CHAF1A: variants seen among roughly 807,000 people sequenced by gnomAD.
CHAF1A encodes the protein CAF-1 subunit A.
In CHAF1A, 5 loss-of-function variants were observed where a neutral mutation model predicts 93.2. The observed-to-expected ratio is 0.05, with a 90% CI of 0.03 to 0.11. The LOEUF (loss-of-function observed/expected upper bound fraction) is 0.11, where lower values mean the gene tolerates loss of function less well. Among genes scored for constraint, CHAF1A ranks in the 10% least tolerant of loss-of-function variants. The pLI, the probability that CHAF1A is intolerant of heterozygous loss-of-function variation, is 1.00. For synonymous variants in CHAF1A, 504 were observed against 510.3 expected (o/e 0.99, Z 0.17); for missense variants, 1,102 against 1,259.9 (o/e 0.87, Z 1.90).
chr19:4,430,549 G>A lies in CHAF1A; in HGVS notation c.1855G>A (p.Asp619Asn). 1.3e-6 allele frequency: 2 copies of A among 1,557,932 alleles called. No homozygotes were observed. The highest frequency in any genetic ancestry group is 4.5e-5 in the East Asian group (2 of 44,566). ...PGESLSHSEG[D>N]DDDDMGEDED... Reference sequence around the variant, plus strand: ...ACTCTTTTTTTTTTCTCCTTTTGAGGATGATGATGACGACATGGGAGAGGA... The same window carrying A: ...ACTCTTTTTTTTTTCTCCTTTTGAGAATGATGATGACGACATGGGAGAGGA... Residue 619 changes from aspartate (D) to asparagine (N), a missense_variant and splice_region_variant, in exon 11 of 15, where the codon GAT becomes AAT. This residue lies in a region of CHAF1A where 335 missense variants were observed against 361.9 expected (regional missense o/e 0.93). Coordinates refer to ENST00000301280, the MANE Select transcript of CHAF1A (RefSeq NM_005483.3).
At chr19:4,446,755 T>C (rs200267132), downstream of CHAF1A, 30 of 1,611,302 alleles carry the variant, frequency 1.9e-5, no homozygotes, top group Admixed American at 2.5e-4. Context: ...CACTGTGCAA[T>C]GGAGAGACCC....
intron 3 of CHAF1A, among the ~76,000 whole-genome samples, chr19:4,411,391 A>G (rs1014502812): frequency 8.6e-5 from 13 of 152,020 alleles, no homozygotes; most frequent in African/African-American, 3.1e-4. Flanking sequence ...CACCATGCCC[A>G]GCTAATTTTT....
intron 5 of CHAF1A, among the ~76,000 whole-genome samples, 196 bp from the exon 6 acceptor site, chr19:4,423,139 T>A (rs1214979247): frequency 9.2e-5 from 14 of 152,188 alleles, no homozygotes; most frequent in Non-Finnish European, 2.1e-4. Flanking sequence ...TATATTCTAG[T>A]CACAGGAAGA....
chr19:4,403,161 C>T (rs901883724), intron 1 of CHAF1A, among the ~76,000 whole-genome samples: 1 of 152,156 alleles, frequency 6.6e-6, no homozygotes, highest in Non-Finnish European at 1.5e-5. Flanking sequence ...GCGTTTGTGT[C>T]CCTTGACCAT....
At position 4,442,932 on chromosome 19, in the gene CHAF1A, A is replaced by G. The variant is rs1237362478; in HGVS notation, c.2778A>G (p.Gln926=). The change falls in exon 15 of 15, where the codon CAA becomes CAG. Residue 926 remains glutamine (Q), a synonymous_variant. Transcript: ENST00000301280. The stretch of plus-strand genomic sequence containing the variant: ...CCCTCTCTTGCCCTGCAGAGGTCCA[A>G]GCCCCGTGTGGAGCCGCTTCCGGAG... ...IVDVPDAAEV[Q]APCGAASGAG... is the part of the protein sequence containing the mutation. 2 of 1,593,506 alleles carry G rather than the reference A, an allele frequency of 1.3e-6. No homozygotes were observed. The highest frequency in any genetic ancestry group is 1.3e-5 in the African/African-American group (1 of 74,734).
At chr19:4,426,986 T>C (rs1045569344) in intron 7 of CHAF1A, among the ~76,000 whole-genome samples, 1 of 150,278 alleles carries the variant, frequency 6.7e-6, no homozygotes, top group Non-Finnish European at 1.5e-5. Context: ...CAGCTGCTCA[T>C]GAGGCTGAGG....
intron 13 of CHAF1A, among the ~76,000 whole-genome samples, chr19:4,439,282 G>GAAAA (rs566076895): frequency 7.7e-6 from 1 of 129,216 alleles, no homozygotes; most frequent in East Asian, 2.2e-4. Flanking sequence ...CTGCGTCTCA[G>GAAAA]AAAAAAAAAA....
At position 4,402,664 on chromosome 19, in the gene CHAF1A, C is replaced by A; in HGVS notation, c.-99C>A. 1.3e-6 allele frequency: 1 copy of A among 788,738 alleles called. No homozygotes were observed. Among genetic ancestry groups the A allele is most frequent in the Non-Finnish European group, 1.7e-6 (1 of 600,612 alleles). The allele number at this position is 788,738 out of a possible 1,614,324, so 48.9% of individuals were successfully genotyped here. ...CCAAATACGAGCGCGGCGGCCGCGG[C>A]GGCAGCAGCGGCGCGGGCGGGAGGG... On this transcript the variant is annotated 5_prime_UTR_variant, in exon 1 of 15. Transcript: ENST00000301280.
At chr19:4,447,302 C>T (rs1444128149), downstream of CHAF1A, 1 of 578,108 alleles carries the variant, frequency 1.7e-6, no homozygotes, top group African/African-American at 1.9e-5. Flanking sequence ...ACAAGCCCAG[C>T]TGAAGAGGAG....
downstream of CHAF1A, chr19:4,447,045 G>T: frequency 1.1e-6 from 1 of 928,994 alleles, no homozygotes; most frequent in Non-Finnish European, 1.6e-6. Context: ...ATGGGGCCCA[G>T]CCCTGGGGGT....
At chr19:4,416,173 C>CA (rs1014017860) in intron 3 of CHAF1A, among the ~76,000 whole-genome samples, 52 of 143,562 alleles carry the variant, frequency 3.6e-4, no homozygotes, top group South Asian at 1.1e-3. Flanking sequence ...GACTCCGTCT[C>CA]AAAAAAAAAA....
chr19:4,427,126 A>G (rs1330655852), intron 7 of CHAF1A, among the ~76,000 whole-genome samples: 2 of 116,546 alleles, frequency 1.7e-5, no homozygotes, highest in Admixed American at 1.0e-4. Flanking sequence ...CTTTCAAAAA[A>G]AGACCCTGTC....
intron 4 of CHAF1A, among the ~76,000 whole-genome samples, chr19:4,419,676 C>T (rs1473356657): frequency 6.6e-6 from 1 of 152,134 alleles, no homozygotes; most frequent in Non-Finnish European, 1.5e-5. Context: ...GGTGATCCAC[C>T]CACCTTGGCT....
intron 13 of CHAF1A, among the ~76,000 whole-genome samples, chr19:4,440,750 C>T (rs1489809570): frequency 4.6e-5 from 7 of 151,840 alleles, no homozygotes; most frequent in Non-Finnish European, 1.0e-4. Flanking sequence ...AGCTGTGGAC[C>T]TGTGCAGCAG....
downstream of CHAF1A, chr19:4,446,159 C>G: frequency 1.2e-6 from 2 of 1,609,876 alleles, no homozygotes; most frequent in East Asian, 2.2e-5. Flanking sequence ...CGGACGAACC[C>G]GTACACCGCC....
chr19:4,446,933 A>G (rs930973843), downstream of CHAF1A: 8 of 1,613,036 alleles, frequency 5.0e-6, no homozygotes, highest in African/African-American at 4.0e-5. Flanking sequence ...GGGGGTGGAG[A>G]TGGGCGTCAC....
downstream of CHAF1A, chr19:4,445,753 C>T (rs1332790330): frequency 6.3e-6 from 9 of 1,435,618 alleles, no homozygotes; most frequent in South Asian, 2.7e-5. Flanking sequence ...GGCTGTGGCT[C>T]GCACCCAGGC....
At chr19:4,409,787 C>T (rs749335867) in intron 3 of CHAF1A, 28 bp downstream of exon 3, 2 of 1,573,472 alleles carry the variant, frequency 1.3e-6, no homozygotes, top group South Asian at 2.3e-5. Flanking sequence ...AGTCCCTGCA[C>T]ATCAGTGCTC....
rs35200206 is a variant in CHAF1A, at chr19:4,406,433, AT to A, written c.103+490del. Among the ~76,000 whole-genome samples, 436 of 133,198 alleles carry A rather than the reference AT, an allele frequency of 3.3e-3. 4 individuals carry two copies. The highest frequency in any genetic ancestry group is 0.017 in the Admixed American group (217 of 12,856). The allele number at this position is 133,198 out of a possible 152,430, so 87.4% of individuals were successfully genotyped here. ...GGGCCAGATGAGCGGTTGGATTGTA[AT>A]TTTTTTTTTTTTTTTTTTGAGACGG... is the stretch of plus-strand genomic sequence containing the variant. On this transcript the variant is annotated intron_variant, in intron 2 of 14. Coordinates refer to ENST00000301280, the MANE Select transcript of CHAF1A (RefSeq NM_005483.3).
Sources: allele counts gnomAD v4.1 joint callset (sites outside exome capture counted in the v4.1 genomes callset), GRCh38; gene constraint gnomAD v4.1.1; regional missense constraint gnomAD v4.1.1; transcripts MANE v1.5; gene names NCBI Gene and HGNC (gene_info 2026-07-23, HGNC 2026-07-21).